KRT222: variants seen among roughly 807,000 people sequenced by gnomAD.
KRT222 encodes keratin-like protein KRT222.
A neutral mutation model predicts 35.0 loss-of-function variants in KRT222; 23 were observed. The observed-to-expected ratio is 0.66, with a 90% confidence interval of 0.47 to 0.93. The LOEUF (loss-of-function observed/expected upper bound fraction) is 0.93, where lower values mean the gene tolerates loss of function less well. KRT222 is among the 40% of genes least tolerant of loss of function. The pLI is 0.00. For missense variants in KRT222, 339 were observed against 346.3 expected, an observed-to-expected ratio of 0.98 and a Z score of 0.17; for synonymous variants, 108 against 118.8, an observed-to-expected ratio of 0.91 and a Z score of 0.59.
chr17:40,660,340 C>A (rs1439752566), intron 2 of KRT222, 133 bp from the exon 3 acceptor site: 2 of 695,654 alleles, frequency 2.9e-6, no homozygotes, highest in African/African-American at 1.8e-5. Flanking sequence ...TAGTGCAATG[C>A]CATGATCTCG....
At chr17:40,663,195 T>C (rs1457830205) in intron 1 of KRT222, among the ~76,000 whole-genome samples, 1 of 152,192 alleles carries the variant, frequency 6.6e-6, no homozygotes, top group East Asian at 1.9e-4. Context: ...AATATGGAAC[T>C]GGCAGCTAAG....
At position 40,656,634 on chromosome 17, in the gene KRT222, A is replaced by C. The variant is rs1475806739; in HGVS notation, c.660-4T>G. 1 of 1,526,692 alleles carries C rather than the reference A, an allele frequency of 6.6e-7. No individual in the cohort carries two copies. Among genetic ancestry groups the C allele is most frequent in the Non-Finnish European group, 9.1e-7 (1 of 1,101,950 alleles). 94.6% of individuals were successfully genotyped at this position (1,526,692 alleles called of 1,614,324 possible). A position where few individuals can be genotyped will look rare whatever the true frequency, so the allele number is the denominator to read the frequency against. ...AACTTCATCCACTTTCTCTGTCCTG[A>C]AATGATAAAATAAACCTTTTAATAA... On this transcript the variant is annotated splice_region_variant and splice_polypyrimidine_tract_variant and intron_variant, in intron 5 of 5. Coordinates refer to ENST00000394052, the MANE Select transcript of KRT222 (RefSeq NM_152349.3).
chr17:40,664,725 C>A (rs2037409314), intron 1 of KRT222, among the ~76,000 whole-genome samples: 1 of 152,082 alleles, frequency 6.6e-6, no homozygotes, highest in Non-Finnish European at 1.5e-5. Context: ...TAGAGTGCAC[C>A]ATTTTATGGT....
Position 40,656,269 on chromosome 17 carries a change from G to T in KRT222, c.*133C>A. 1 of 610,426 alleles carries T rather than the reference G, an allele frequency of 1.6e-6. No homozygotes were observed. The highest frequency in any genetic ancestry group is 2.7e-5 in the East Asian group (1 of 36,996). 37.8% of individuals were successfully genotyped at this position (610,426 alleles called of 1,614,324 possible). ...ATGTCCTTTATTGTTTTTTTCTTCT[G>T]AAGAGAACCACATATTGATCATAAC... On this transcript the variant is annotated 3_prime_UTR_variant, in exon 6 of 6. Coordinates refer to ENST00000394052, the MANE Select transcript of KRT222 (RefSeq NM_152349.3).
chr17:40,663,057 C>T (rs1035208804), intron 1 of KRT222, among the ~76,000 whole-genome samples: 2 of 152,114 alleles, frequency 1.3e-5, no homozygotes, highest in South Asian at 2.1e-4. Context: ...AAAATCTGTT[C>T]TTAGTGTTAA....
Position 40,655,661 on chromosome 17 carries a change from G to A in KRT222, c.*741C>T, listed in dbSNP as rs561617205. 71 of 151,512 alleles carry A rather than the reference G, an allele frequency of 4.7e-4. No homozygotes were observed. Among genetic ancestry groups the A allele is most frequent in the African/African-American group, 1.6e-3 (68 of 41,342 alleles). 9.4% of individuals were successfully genotyped at this position (151,512 alleles called of 1,614,324 possible). A position where few individuals can be genotyped will look rare whatever the true frequency, so the allele number is the denominator to read the frequency against. ...CCTTCTGATTTTTTTTCTTTTTTTG[G>A]TGGGGGATACAACCTTTAAAGTTCC... On this transcript the variant is annotated 3_prime_UTR_variant, in exon 6 of 6. Transcript: ENST00000394052.
chr17:40,657,503 T>A lies in KRT222; in HGVS notation c.524-16A>T. 2 of 1,544,332 alleles carry A rather than the reference T, an allele frequency of 1.3e-6. No homozygotes were observed. Among genetic ancestry groups the A allele is most frequent in the Non-Finnish European group, 1.8e-6 (2 of 1,128,008 alleles). ...TTTATAATGGCTGTGAAAATATCATTTATGATATATTAAATTACAGTATTG... is the reference window on the plus strand; with the variant it reads ...TTTATAATGGCTGTGAAAATATCATATATGATATATTAAATTACAGTATTG... On this transcript the variant is annotated splice_polypyrimidine_tract_variant and intron_variant, in intron 4 of 5. Transcript: ENST00000394052.
Position 40,657,818 on chromosome 17 carries a change from A to G in KRT222, c.447-68T>C, listed in dbSNP as rs2144030202. The stretch of plus-strand genomic sequence containing the variant: ...AGCAAATAATTAAAACAAACAGGAG[A>G]ATGGATAAATCGTATATTCACGCAA... On this transcript the variant is annotated intron_variant, in intron 3 of 5. Coordinates refer to ENST00000394052, the MANE Select transcript of KRT222 (RefSeq NM_152349.3). 3 of 1,060,108 alleles carry G rather than the reference A, an allele frequency of 2.8e-6. No individual in the cohort carries two copies. In the East Asian group the frequency reaches 7.1e-5, roughly 25 times the overall value. 65.7% of individuals were successfully genotyped at this position (1,060,108 alleles called of 1,614,324 possible). A position where few individuals can be genotyped will look rare whatever the true frequency, so the allele number is the denominator to read the frequency against.
intron 4 of KRT222, 57 bp downstream of exon 4, chr17:40,657,617 A>G (rs756177488): frequency 2.0e-6 from 3 of 1,502,492 alleles, no homozygotes; most frequent in Non-Finnish European, 2.7e-6. Flanking sequence ...CTTATAAAGT[A>G]ATCCCTGTAA....
At chr17:40,661,144 A>T (rs1249519623) in intron 2 of KRT222, among the ~76,000 whole-genome samples, 1 of 151,902 alleles carries the variant, frequency 6.6e-6, no homozygotes, top group African/African-American at 2.4e-5. Flanking sequence ...TGTTTTCGCC[A>T]TGTTGCTCAG....
rs2037342177 is a variant in KRT222, at chr17:40,656,163, A to G, written c.*239T>C. 1 of 380,040 alleles carries G rather than the reference A, an allele frequency of 2.6e-6. No individual in the cohort carries two copies. The highest frequency in any genetic ancestry group is 2.1e-5 in the African/African-American group (1 of 48,426). The allele number at this position is 380,040 out of a possible 1,614,324, so 23.5% of individuals were successfully genotyped here. A position where few individuals can be genotyped will look rare whatever the true frequency, so the allele number is the denominator to read the frequency against. On this transcript the variant is annotated 3_prime_UTR_variant, in exon 6 of 6. Coordinates refer to ENST00000394052, the MANE Select transcript of KRT222 (RefSeq NM_152349.3). ...AATATAAAGAAAGAGACTGTACTGG[A>G]TTTGTGATTTTATTTTTAAGCTACT...
At position 40,655,758 on chromosome 17, in the gene KRT222, C is replaced by T. The variant is rs1449508303; in HGVS notation, c.*644G>A. The T allele has an allele frequency of 6.6e-6, 1 of 151,962 alleles. No individual in the cohort carries two copies. The highest frequency in any genetic ancestry group is 6.6e-5 in the Admixed American group (1 of 15,248). 9.4% of individuals were successfully genotyped at this position (151,962 alleles called of 1,614,324 possible). On this transcript the variant is annotated 3_prime_UTR_variant, in exon 6 of 6. Coordinates refer to ENST00000394052, the MANE Select transcript of KRT222 (RefSeq NM_152349.3). ...AACCTTTTAGATATATGTAGATTAA[C>T]TTAATTGTACTTATCTCAAATTAGC...
rs2037342219 is a variant in KRT222, at chr17:40,656,170, A to C, written c.*232T>G. 1 of 391,646 alleles carries C rather than the reference A, an allele frequency of 2.6e-6. No individual in the cohort carries two copies. The highest frequency in any genetic ancestry group is 4.5e-6 in the Non-Finnish European group (1 of 222,304). 24.3% of individuals were successfully genotyped at this position (391,646 alleles called of 1,614,324 possible). ...AGAAAGAGACTGTACTGGATTTGTG[A>C]TTTTATTTTTAAGCTACTCCCTCTC... On this transcript the variant is annotated 3_prime_UTR_variant, in exon 6 of 6. Coordinates refer to ENST00000394052, the MANE Select transcript of KRT222 (RefSeq NM_152349.3).
At chr17:40,658,066 G>A (rs2037357607) in intron 3 of KRT222, among the ~76,000 whole-genome samples, 1 of 151,626 alleles carries the variant, frequency 6.6e-6, no homozygotes, top group Non-Finnish European at 1.5e-5. Context: ...GTCAGGTAGA[G>A]GGAGGAGCAT....
Position 40,656,240 on chromosome 17 carries a change from A to C in KRT222, c.*162T>G. ...TGTCTATCTCCATAATTAGATTCAG[A>C]GAAATGTCCTTTATTGTTTTTTTCT... On this transcript the variant is annotated 3_prime_UTR_variant, in exon 6 of 6. Transcript: ENST00000394052. The C allele has an allele frequency of 1.7e-6, 1 of 572,628 alleles. No homozygotes were observed. Among genetic ancestry groups the C allele is most frequent in the Non-Finnish European group, 3.1e-6 (1 of 322,886 alleles). 35.5% of individuals were successfully genotyped at this position (572,628 alleles called of 1,614,324 possible).
chr17:40,656,517 G>C lies in KRT222; in HGVS notation c.773C>G (p.Thr258Ser). The C allele has an allele frequency of 6.2e-7, 1 of 1,613,154 alleles. No individual in the cohort carries two copies. The change falls in exon 6 of 6, where the codon ACT (threonine) becomes AGT (serine). Residue 258 changes from threonine (T) to serine (S), a missense_variant. By Grantham distance (58) the Thr-to-Ser change is moderately conservative (BLOSUM62 1). Transcript: ENST00000394052. ...CTTAGTCTCTAAACACCCTTCATCAGTGGCTGCTAAATGAAGATCAAATCG... is the reference window on the plus strand; with the variant it reads ...CTTAGTCTCTAAACACCCTTCATCACTGGCTGCTAAATGAAGATCAAATCG... ...SLRFDLHLAA[T>S]DEGCLETKQD... is the part of the protein sequence containing the mutation.
chr17:40,656,104 T>C lies in KRT222; in HGVS notation c.*298A>G, dbSNP rs2037341867. The C allele has an allele frequency of 4.3e-6, 1 of 231,398 alleles. No homozygotes were observed. Among genetic ancestry groups the C allele is most frequent in the Non-Finnish European group, 8.3e-6 (1 of 120,172 alleles). The allele number at this position is 231,398 out of a possible 1,614,324, so 14.3% of individuals were successfully genotyped here. ...CCAGGTTAATGCTTACAGTCTCTGATGAAGTTTCAAGGGAAAAAGAAGACT... is the reference window on the plus strand; with the variant it reads ...CCAGGTTAATGCTTACAGTCTCTGACGAAGTTTCAAGGGAAAAAGAAGACT... On this transcript the variant is annotated 3_prime_UTR_variant, in exon 6 of 6. Coordinates refer to ENST00000394052, the MANE Select transcript of KRT222 (RefSeq NM_152349.3).
chr17:40,665,066 C>A lies in KRT222; in HGVS notation c.34G>T (p.Ala12Ser). The A allele has an allele frequency of 6.2e-7, 1 of 1,614,020 alleles. No individual in the cohort carries two copies. Among genetic ancestry groups the A allele is most frequent in the Non-Finnish European group, 8.5e-7 (1 of 1,179,990 alleles). ...ELSQLLNEIR[A>S]NYEKILTRNQ... ...CTGGTGAGGATCTTTTCATAGTTTG[C>A]CCTGATCTCATTGAGTAGCTGGGAC... is the stretch of plus-strand genomic sequence containing the variant. The change falls in exon 1 of 6, where the codon GCA becomes TCA. Residue 12 changes from alanine (A) to serine (S), a missense_variant. By Grantham distance (99) the Ala-to-Ser change is moderately conservative. Coordinates refer to ENST00000394052, the MANE Select transcript of KRT222 (RefSeq NM_152349.3).
Position 40,664,992 on chromosome 17 carries a change from T to C in KRT222, c.96+12A>G. On this transcript the variant is annotated intron_variant, in intron 1 of 5. Transcript: ENST00000394052. The stretch of plus-strand genomic sequence containing the variant: ...TTATTCTGGAAGGTGCCTGTCTGTA[T>C]GAAATCATTACCTGGATCCTTGTTG... The C allele has an allele frequency of 6.2e-7, 1 of 1,613,976 alleles. No individual in the cohort carries two copies. The highest frequency in any genetic ancestry group is 2.2e-5 in the East Asian group (1 of 44,874).
Sources: allele counts gnomAD v4.1 joint callset (sites outside exome capture counted in the v4.1 genomes callset), GRCh38; gene constraint gnomAD v4.1.1; transcripts MANE v1.5; gene names NCBI Gene and HGNC (gene_info 2026-07-23, HGNC 2026-07-21).